The following JAZF1 variants were observed in gnomAD, a reference collection of about 807,000 sequenced individuals.
JAZF1 encodes the protein JAZF zinc finger 1.
Under a neutral mutation model 26.4 loss-of-function variants are expected in JAZF1, and 8 were observed. The observed-to-expected ratio is 0.30, with a 90% CI of 0.18 to 0.55. The LOEUF (loss-of-function observed/expected upper bound fraction) is 0.55, where lower values mean the gene tolerates loss of function less well. Ranked by LOEUF, JAZF1 falls within the 20% of genes least tolerant of loss-of-function variation. The pLI is 0.94. For synonymous variants in JAZF1, 126 were observed against 122.3 expected (o/e 1.03, Z -0.20); for missense variants, 199 against 322.0 (o/e 0.62, Z 2.92).
intron 1 of JAZF1, among the ~76,000 whole-genome samples, chr7:28,128,708 C>G (rs181061870): frequency 6.6e-5 from 10 of 152,224 alleles, no homozygotes; most frequent in Admixed American, 5.9e-4. Flanking sequence ...ATACTTAGCA[C>G]TGACTTTATA....
intron 1 of JAZF1, among the ~76,000 whole-genome samples, chr7:28,055,412 G>T (rs1783687669): frequency 6.6e-6 from 1 of 151,986 alleles, no homozygotes; most frequent in African/African-American, 2.4e-5. Flanking sequence ...CCCCTCAACA[G>T]CCTTCCCTAA....
intron 2 of JAZF1, among the ~76,000 whole-genome samples, chr7:27,953,280 G>A (rs1436796285): frequency 6.6e-6 from 1 of 152,158 alleles, no homozygotes; most frequent in Admixed American, 6.5e-5. Context: ...ACATTTTAAG[G>A]GGTAGGCTTT....
At chr7:28,114,049 T>G (rs984775715) in intron 1 of JAZF1, among the ~76,000 whole-genome samples, 2 of 152,256 alleles carry the variant, frequency 1.3e-5, no homozygotes. Flanking sequence ...TTTATTATTC[T>G]TCATTTCTTT....
At chr7:28,100,743 G>A (rs1784459776) in intron 1 of JAZF1, among the ~76,000 whole-genome samples, 1 of 150,320 alleles carries the variant, frequency 6.7e-6, no homozygotes, top group Non-Finnish European at 1.5e-5. Flanking sequence ...CATATGCACT[G>A]CTTTAAAAAT....
intron 1 of JAZF1, among the ~76,000 whole-genome samples, chr7:27,998,560 C>T (rs181917457): frequency 1.3e-5 from 2 of 152,154 alleles, no homozygotes; most frequent in Non-Finnish European, 2.9e-5. Flanking sequence ...AAACTTTTCC[C>T]AAGCCATAAT....
intron 3 of JAZF1, among the ~76,000 whole-genome samples, chr7:27,869,473 A>G (rs892616797): frequency 1.3e-5 from 2 of 152,160 alleles, no homozygotes; most frequent in African/African-American, 4.8e-5. Flanking sequence ...CGGCACCAAC[A>G]TGGAGGTACA....
intron 1 of JAZF1, among the ~76,000 whole-genome samples, chr7:28,043,377 C>CAG (rs1783436705): frequency 6.6e-6 from 1 of 152,122 alleles, no homozygotes; most frequent in Non-Finnish European, 1.5e-5. Flanking sequence ...TTCTGAGAGC[C>CAG]AGAGCGTGAA....
chr7:27,882,346 T>C (rs979585227), intron 3 of JAZF1, among the ~76,000 whole-genome samples: 1 of 152,162 alleles, frequency 6.6e-6, no homozygotes, highest in African/African-American at 2.4e-5. Context: ...AACAAAAACT[T>C]ATTCAGCCTA....
chr7:27,954,104 A>G (rs184714113), intron 2 of JAZF1, among the ~76,000 whole-genome samples: 1 of 152,312 alleles, frequency 6.6e-6, no homozygotes, highest in Admixed American at 6.5e-5. Flanking sequence ...GGGACTTTAG[A>G]TATCTAACTG....
At chr7:27,900,678 G>A (rs1349362262) in intron 2 of JAZF1, among the ~76,000 whole-genome samples, 1 of 152,104 alleles carries the variant, frequency 6.6e-6, no homozygotes, top group Non-Finnish European at 1.5e-5. Context: ...AATCAGGGAA[G>A]GAACGAAGAA....
At chr7:27,846,022 G>A (rs1376047373) in intron 3 of JAZF1, among the ~76,000 whole-genome samples, 1 of 151,980 alleles carries the variant, frequency 6.6e-6, no homozygotes, top group Non-Finnish European at 1.5e-5. Flanking sequence ...TCCTGCTTGG[G>A]GGTCCAGAGG....
intron 2 of JAZF1, among the ~76,000 whole-genome samples, chr7:27,988,375 ATTT>A (rs761244185): frequency 2.1e-5 from 3 of 141,828 alleles, no homozygotes; most frequent in African/African-American, 2.6e-5. Flanking sequence ...TAAATTGTAA[ATTT>A]TTTTTTTTTT....
At chr7:27,909,790 C>G (rs1297392655) in intron 2 of JAZF1, among the ~76,000 whole-genome samples, 1 of 152,208 alleles carries the variant, frequency 6.6e-6, no homozygotes, top group African/African-American at 2.4e-5. Flanking sequence ...CTTATTTAAG[C>G]TTTCTCCCTT....
At chr7:28,108,548 C>CA (rs1258353594) in intron 1 of JAZF1, among the ~76,000 whole-genome samples, 1 of 152,182 alleles carries the variant, frequency 6.6e-6, no homozygotes, top group African/African-American at 2.4e-5. Context: ...GCAGCCTGAT[C>CA]AAGGAGGGCC....
At chr7:27,970,458 CA>C (rs1004339807) in intron 2 of JAZF1, among the ~76,000 whole-genome samples, 2 of 151,990 alleles carry the variant, frequency 1.3e-5, no homozygotes, top group Non-Finnish European at 1.5e-5. Context: ...CAAAACAAAA[CA>C]AAAAAACCCC....
At chr7:28,073,058 G>A (rs1479729924) in intron 1 of JAZF1, among the ~76,000 whole-genome samples, 1 of 152,150 alleles carries the variant, frequency 6.6e-6, no homozygotes, top group Non-Finnish European at 1.5e-5. Flanking sequence ...TAGCACTATC[G>A]GTAGGTGTTA....
intron 1 of JAZF1, among the ~76,000 whole-genome samples, chr7:28,179,091 A>G (rs1421229759): frequency 2.6e-5 from 4 of 152,242 alleles, no homozygotes; most frequent in Non-Finnish European, 4.4e-5. Flanking sequence ...TCAACTTTGT[A>G]GAAACGTGAG....
At chr7:28,003,571 C>T (rs562821230) in intron 1 of JAZF1, among the ~76,000 whole-genome samples, 10 of 152,296 alleles carry the variant, frequency 6.6e-5, no homozygotes, top group South Asian at 6.2e-4. Context: ...ACTTCCATCA[C>T]CCAATACTAC....
intron 2 of JAZF1, among the ~76,000 whole-genome samples, chr7:27,949,403 C>A (rs1208875921): frequency 6.6e-6 from 1 of 152,178 alleles, no homozygotes; most frequent in Non-Finnish European, 1.5e-5. Flanking sequence ...CTTTAGAGTG[C>A]ATGTGTAGTT....
Sources: gnomAD v4.1 joint callset for allele counts (sites outside exome capture counted in the v4.1 genomes callset) on GRCh38, gnomAD v4.1.1 for gene constraint, MANE v1.5 for transcripts, NCBI Gene and HGNC (gene_info 2026-07-23, HGNC 2026-07-21) for gene names.